The following TFAP2D variants were observed in gnomAD, a reference collection of about 807,000 sequenced individuals.
TFAP2D encodes the protein transcription factor AP-2-delta.
TFAP2D carries 9 observed loss-of-function variants against 43.6 expected under a neutral mutation model. That is an observed-to-expected ratio of 0.21 (90% CI 0.12 to 0.36). The LOEUF (loss-of-function observed/expected upper bound fraction) is 0.36, where lower values mean the gene tolerates loss of function less well. TFAP2D is among the 10% of genes least tolerant of loss of function. The probability of loss-of-function intolerance (pLI) is 1.00; values close to 1 mark genes in which losing one functional copy is unlikely to be tolerated. For synonymous variants in TFAP2D, 256 were observed against 224.9 expected (o/e 1.14, Z -1.24); for missense variants, 513 against 561.4 (o/e 0.91, Z 0.87).
chr6:50,738,464 T>C (rs1165069627), intron 5 of TFAP2D, among the ~76,000 whole-genome samples: 1 of 152,144 alleles, frequency 6.6e-6, no homozygotes, highest in Non-Finnish European at 1.5e-5. Flanking sequence ...GCCTTTTTAA[T>C]TCCAAGATCA....
rs765558605 is a variant in TFAP2D at position 50,772,788 on chromosome 6, C to A, written c.1283C>A (p.Ala428Asp). 6.2e-7 allele frequency: 1 copy of A among 1,614,068 alleles called. No homozygotes were observed. Residue 428 changes from alanine (A) to aspartate (D), a missense_variant, in exon 8 of 8, where the codon GCC becomes GAC. Coordinates refer to ENST00000008391, the MANE Select transcript of TFAP2D (RefSeq NM_172238.4). ...GGAADSGQGHANSEKAPLRKT... is the reference protein window; with the variant it reads ...GGAADSGQGHDNSEKAPLRKT... ...GCGGCGGATTCTGGCCAAGGACATG[C>A]CAACTCGGAGAAAGCTCCCCTGCGG... is the stretch of plus-strand genomic sequence containing the variant.
chr6:50,718,203 G>A (rs1768658263), intron 2 of TFAP2D: 1 of 152,008 alleles, frequency 6.6e-6, no homozygotes. Flanking sequence ...AGGTTGAAAA[G>A]GGGGGTCTTA....
intron 3 of TFAP2D, among the ~76,000 whole-genome samples, chr6:50,723,975 A>G (rs1223917460): frequency 6.6e-6 from 1 of 151,998 alleles, no homozygotes; most frequent in Non-Finnish European, 1.5e-5. Flanking sequence ...ATCCAGCTAT[A>G]CCTGTAATGT....
Position 50,756,989 on chromosome 6 carries a change from G to C in TFAP2D, c.1139+5665G>C, listed in dbSNP as rs374799278. 8.6e-5 allele frequency among the ~76,000 whole-genome samples: 13 copies of C among 151,940 alleles called. No individual in the cohort carries two copies. In the South Asian group the frequency reaches 2.7e-3, roughly 32 times the overall value. On this transcript the variant is annotated intron_variant, in intron 7 of 7. Coordinates refer to ENST00000008391, the MANE Select transcript of TFAP2D (RefSeq NM_172238.4). ...ATGTTCTCATAATCTCCTTGAATCT[G>C]AAGTCAAGCAAAAGCACATTTGACA...
intron 2 of TFAP2D, 103 bp downstream of exon 2, chr6:50,715,716 CTT>C: frequency 1.7e-6 from 2 of 1,159,034 alleles, no homozygotes; most frequent in Non-Finnish European, 2.4e-6. Flanking sequence ...TTCTCTCTCT[CTT>C]CTCCTCTCTC....
At position 50,772,719 on chromosome 6, in the gene TFAP2D, T is replaced by C. The variant is rs764128609; in HGVS notation, c.1214T>C (p.Met405Thr). ...LSTFQTVLSEMLNYLEKHTTH... is the reference protein window; with the variant it reads ...LSTFQTVLSETLNYLEKHTTH... ...ACTTTCCAAACAGTTCTCAGTGAAA[T>C]GCTGAACTACTTGGAAAAACACACT... The change falls in exon 8 of 8, where the codon ATG becomes ACG. Residue 405 changes from methionine to threonine, a missense_variant. This residue lies in a region of TFAP2D where 199 missense variants were observed against 227.9 expected (regional missense o/e 0.87). Transcript: ENST00000008391. 4.0e-5 allele frequency: 65 copies of C among 1,614,030 alleles called. No homozygotes were observed. Among genetic ancestry groups the C allele is most frequent in the Non-Finnish European group, 5.3e-5 (63 of 1,180,012 alleles).
Position 50,715,480 on chromosome 6 carries a change from G to C in TFAP2D, c.404G>C (p.Gly135Ala). ...SCLDEQRREL[G>A]CLDAYRRHDL... Reference sequence around the variant, plus strand: ...CTGGACGAGCAGAGGCGGGAGCTGGGCTGCCTCGATGCCTACCGCCGCCAT... The same window carrying C: ...CTGGACGAGCAGAGGCGGGAGCTGGCCTGCCTCGATGCCTACCGCCGCCAT... The change falls in exon 2 of 8, where the codon GGC becomes GCC. Residue 135 changes from glycine to alanine, a missense_variant. This residue lies in a region of TFAP2D where 311 missense variants were observed against 316.2 expected (regional missense o/e 0.98). Transcript: ENST00000008391. 1 of 1,613,810 alleles carries C rather than the reference G, an allele frequency of 6.2e-7. No homozygotes were observed. The highest frequency in any genetic ancestry group is 8.5e-7 in the Non-Finnish European group (1 of 1,180,028).
chr6:50,749,443 A>T (rs1001241596), intron 6 of TFAP2D, among the ~76,000 whole-genome samples: 1 of 151,912 alleles, frequency 6.6e-6, no homozygotes, highest in Non-Finnish European at 1.5e-5. Context: ...TAGAAAAACT[A>T]AAAGACTGCT....
intron 5 of TFAP2D, among the ~76,000 whole-genome samples, chr6:50,740,770 A>G (rs1238028276): frequency 2.0e-5 from 3 of 152,194 alleles, no homozygotes; most frequent in African/African-American, 7.2e-5. Context: ...ACTGTATAAC[A>G]GATTGAAAGT....
chr6:50,754,397 G>A (rs1157826163), intron 7 of TFAP2D, among the ~76,000 whole-genome samples: 1 of 151,428 alleles, frequency 6.6e-6, no homozygotes. Flanking sequence ...ACATTTTATC[G>A]ATTCATTCAT....
intron 5 of TFAP2D, among the ~76,000 whole-genome samples, chr6:50,730,978 T>A (rs1025071653): frequency 1.3e-5 from 2 of 152,134 alleles, no homozygotes; most frequent in Admixed American, 6.5e-5. Flanking sequence ...ATGAAAGTAC[T>A]GGTCAGTACT....
intron 3 of TFAP2D, among the ~76,000 whole-genome samples, chr6:50,719,447 G>GAGAGAGAA (rs1768680470): frequency 7.6e-6 from 1 of 131,690 alleles, no homozygotes; most frequent in Admixed American, 7.9e-5. Context: ...AAAAGACAGA[G>GAGAGAGAA]AGAAAGAAAG....
At chr6:50,723,955 G>C (rs2099163198) in intron 3 of TFAP2D, among the ~76,000 whole-genome samples, 1 of 151,976 alleles carries the variant, frequency 6.6e-6, no homozygotes, top group Non-Finnish European at 1.5e-5. Flanking sequence ...AAGCTCATTC[G>C]GCCCTGGTAA....
In TFAP2D at chr6:50,745,174, A is replaced by G; in HGVS notation, c.951A>G (p.Val317=). 6.2e-7 allele frequency: 1 copy of G among 1,613,760 alleles called. No individual in the cohort carries two copies. The highest frequency in any genetic ancestry group is 8.5e-7 in the Non-Finnish European group (1 of 1,179,826). ...TCETEFPAKA[V]GEHLARQHME... ...AAACAGAGTTTCCAGCCAAAGCAGT[A>G]GGAGAACATCTTGCCAGACAACATA... The change falls in exon 6 of 8, where the codon GTA becomes GTG. Residue 317 remains valine, a synonymous_variant. Transcript: ENST00000008391.
intron 7 of TFAP2D, among the ~76,000 whole-genome samples, chr6:50,758,921 G>T (rs1376956786): frequency 6.6e-6 from 1 of 152,086 alleles, no homozygotes; most frequent in East Asian, 1.9e-4. Context: ...CCTAGGAGAA[G>T]GTTCAGAAGC....
At chr6:50,730,002 C>CT (rs111965492) in intron 5 of TFAP2D, among the ~76,000 whole-genome samples, 151 of 150,740 alleles carry the variant, frequency 1.0e-3, no homozygotes, top group Admixed American at 2.4e-3. Context: ...TATTGAAAGG[C>CT]TTTTTTTTTA....
chr6:50,714,146 CGGCGGCGGTGGCGGCGGT>C (rs745710324), intron 1 of TFAP2D, 52 bp downstream of exon 1: 1 of 1,553,462 alleles, frequency 6.4e-7, no homozygotes, highest in African/African-American at 1.5e-5. Context: ...TGTGTGGCGG[CGGCGGCGGTGGCGGCGGT>C]GGCGGCGGCG....
chr6:50,729,129 G>C, intron 4 of TFAP2D, 65 bp from the exon 5 acceptor site: 1 of 1,605,292 alleles, frequency 6.2e-7, no homozygotes, highest in Non-Finnish European at 8.5e-7. Context: ...ATGTGGTCAA[G>C]TCGTCTCATA....
chr6:50,742,994 C>T (rs1032112799), intron 5 of TFAP2D, among the ~76,000 whole-genome samples: 7 of 147,554 alleles, frequency 4.7e-5, no homozygotes, highest in African/African-American at 1.5e-4. Context: ...CACACACACA[C>T]ATCTTTGTGC....
Sources: allele counts gnomAD v4.1 joint callset (sites outside exome capture counted in the v4.1 genomes callset), GRCh38; gene constraint gnomAD v4.1.1; regional missense constraint gnomAD v4.1.1; transcripts MANE v1.5; gene names NCBI Gene and HGNC (gene_info 2026-07-23, HGNC 2026-07-21).